RNF157: variants seen among roughly 807,000 people sequenced by gnomAD.
The protein encoded by RNF157 is ring finger protein 157.
In RNF157, 55 loss-of-function variants were observed where a neutral mutation model predicts 88.3. That is an observed-to-expected ratio of 0.62 (90% confidence interval 0.50 to 0.78). The LOEUF (loss-of-function observed/expected upper bound fraction) is 0.78. RNF157 is among the 30% of genes least tolerant of loss of function. RNF157 has a pLI of 0.00. For synonymous variants in RNF157, 334 were observed against 341.2 expected (o/e 0.98, Z 0.23); for missense variants, 788 against 860.8 (o/e 0.92, Z 1.06).
At chr17:76,151,064 G>C (rs901743542) in intron 18 of RNF157, among the ~76,000 whole-genome samples, 2 of 152,160 alleles carry the variant, frequency 1.3e-5, no homozygotes, top group Non-Finnish European at 2.9e-5. Context: ...AGCAGCCCCT[G>C]GGCCCCAGCA....
Position 76,165,499 on chromosome 17 carries a change from C to T in RNF157, c.672+3G>A, listed in dbSNP as rs1568032574. 6.2e-7 allele frequency: 1 copy of T among 1,614,112 alleles called. No homozygotes were observed. Among genetic ancestry groups the T allele is most frequent in the African/African-American group, 1.3e-5 (1 of 75,040 alleles). ...TAAAGCGAGGCCCTCTAAAGTCACT[C>T]ACCTTCTCAAAAGTACCCAGCAGTA... is the stretch of plus-strand genomic sequence containing the variant. On this transcript the variant is annotated splice_donor_region_variant and intron_variant, in intron 7 of 18. Coordinates refer to ENST00000269391, the MANE Select transcript of RNF157 (RefSeq NM_052916.3).
Position 76,146,728 on chromosome 17 carries a change from C to T in RNF157, c.1922-1375G>A. The T allele has an allele frequency of 1.0e-6, 1 of 985,474 alleles. No individual in the cohort carries two copies. Among genetic ancestry groups the T allele is most frequent in the Non-Finnish European group, 1.2e-6 (1 of 829,920 alleles). 61.0% of individuals were successfully genotyped at this position (985,474 alleles called of 1,614,324 possible). On this transcript the variant is annotated intron_variant, in intron 18 of 18. Coordinates refer to ENST00000269391, the MANE Select transcript of RNF157 (RefSeq NM_052916.3). The surrounding 1 kb of genome is among the most constrained non-coding windows in gnomAD (Gnocchi z 4.2). ...GGAGCTCCTCCATGGGACAAAGCTC[C>T]TCCTGGGCAGGGGCCGTGACTTCTT...
At chr17:76,199,570 T>TAAAA (rs34151599) in intron 2 of RNF157, among the ~76,000 whole-genome samples, 6 of 110,980 alleles carry the variant, frequency 5.4e-5, no homozygotes, top group Non-Finnish European at 7.6e-5. Flanking sequence ...AGCTGAAAGT[T>TAAAA]AAAAAAAAAA....
intron 16 of RNF157, chr17:76,154,548 C>T (rs1364068424): frequency 2.9e-5 from 16 of 554,652 alleles, no homozygotes; most frequent in Non-Finnish European, 4.8e-5. Flanking sequence ...AGCCACATTA[C>T]CCATATATGC....
chr17:76,190,646 G>GT, intron 2 of RNF157, among the ~76,000 whole-genome samples: 1 of 150,958 alleles, frequency 6.6e-6, no homozygotes, highest in Non-Finnish European at 1.5e-5. Context: ...ACGGCCGGGC[G>GT]TGATGGCTCA....
intron 17 of RNF157, chr17:76,154,055 G>C: frequency 3.8e-6 from 2 of 532,108 alleles, no homozygotes; most frequent in Non-Finnish European, 6.8e-6. Context: ...TGCAGCACCC[G>C]CACCTGACAT....
At chr17:76,222,302 G>A (rs1221714351) in intron 1 of RNF157, among the ~76,000 whole-genome samples, 2 of 150,954 alleles carry the variant, frequency 1.3e-5, no homozygotes, top group Non-Finnish European at 1.5e-5. Context: ...GCTGAGGATC[G>A]TGTCACTGCA....
chr17:76,207,918 C>T (rs1297044204), intron 2 of RNF157, among the ~76,000 whole-genome samples: 1 of 152,130 alleles, frequency 6.6e-6, no homozygotes, highest in African/African-American at 2.4e-5. Flanking sequence ...CACTGCCACT[C>T]GTCTACTTTT....
rs562185439 is a variant in RNF157 at position 76,203,699 on chromosome 17, G to A, written c.207+8665C>T. Among the ~76,000 whole-genome samples, 7 of 150,160 alleles carry A rather than the reference G, an allele frequency of 4.7e-5. 1 individual carries two copies. The highest frequency in any genetic ancestry group is 4.2e-4 in the South Asian group (2 of 4,724). On this transcript the variant is annotated intron_variant, in intron 2 of 18. Coordinates refer to ENST00000269391, the MANE Select transcript of RNF157 (RefSeq NM_052916.3). Reference sequence around the variant, plus strand: ...ACTCCTGACCTAAGGTGACCTCCCCGCCTCAGCCTCCCAAAGTGCTGGGAT... The same window carrying A: ...ACTCCTGACCTAAGGTGACCTCCCCACCTCAGCCTCCCAAAGTGCTGGGAT...
intron 18 of RNF157, among the ~76,000 whole-genome samples, chr17:76,150,174 C>T (rs2068652948): frequency 1.3e-5 from 2 of 151,982 alleles, no homozygotes; most frequent in Admixed American, 6.6e-5. Context: ...ATATTGAATA[C>T]AGCCCCTCAT....
intron 1 of RNF157, among the ~76,000 whole-genome samples, chr17:76,219,937 T>TA (rs1157210656): frequency 6.6e-6 from 1 of 152,056 alleles, no homozygotes; most frequent in Non-Finnish European, 1.5e-5. Context: ...GAGAGAAAGT[T>TA]AAAAAAAGCC....
chr17:76,203,527 G>A (rs1184919301), intron 2 of RNF157, among the ~76,000 whole-genome samples: 4 of 145,394 alleles, frequency 2.8e-5, no homozygotes, highest in African/African-American at 1.0e-4. Flanking sequence ...ATCTCAGCTC[G>A]CTGCAACCTC....
intron 2 of RNF157, among the ~76,000 whole-genome samples, chr17:76,208,136 T>A (rs923552911): frequency 3.9e-5 from 6 of 152,168 alleles, no homozygotes; most frequent in African/African-American, 1.4e-4. Context: ...TTGCCCAGGC[T>A]GGTTTTCAAT....
chr17:76,185,758 C>T (rs1214222499), intron 2 of RNF157, among the ~76,000 whole-genome samples: 2 of 152,126 alleles, frequency 1.3e-5, no homozygotes, highest in African/African-American at 4.8e-5. Context: ...CGTGAGCCAC[C>T]GCGCCCGGCC....
At position 76,240,190 on chromosome 17, in the gene RNF157, G is replaced by A. The variant is rs1293153699; in HGVS notation, c.51C>T (p.Ile17=). The part of the protein sequence containing the change: ...RQHAGVEEVD[I]PSNSVYRYPP... ...GGTAGCGGTACACGGAATTAGACGG[G>A]ATGTCCACCTCCTCCACGCCCGCGT... The change falls in exon 1 of 19, where the codon ATC becomes ATT. Residue 17 remains isoleucine, a synonymous_variant. Coordinates refer to ENST00000269391, the MANE Select transcript of RNF157 (RefSeq NM_052916.3). This position sits in a 1 kb window ranked among gnomAD's most constrained non-coding sequence, Gnocchi z 4.4. The A allele has an allele frequency of 4.2e-6, 6 of 1,413,130 alleles. No homozygotes were observed. Among genetic ancestry groups the A allele is most frequent in the Non-Finnish European group, 4.7e-6 (5 of 1,069,354 alleles). 87.5% of individuals were successfully genotyped at this position (1,413,130 alleles called of 1,614,324 possible).
intron 2 of RNF157, among the ~76,000 whole-genome samples, chr17:76,198,497 C>T (rs1357237408): frequency 6.6e-6 from 1 of 152,180 alleles, no homozygotes; most frequent in African/African-American, 2.4e-5. Context: ...CACTAGCTGG[C>T]TGCGTCCTTT....
Position 76,155,407 on chromosome 17 carries a change from T to C in RNF157, c.1699-90A>G, listed in dbSNP as rs2068747495. 3 of 1,479,348 alleles carry C rather than the reference T, an allele frequency of 2.0e-6. No individual in the cohort carries two copies. In the South Asian group the frequency reaches 3.4e-5, roughly 17 times the overall value. 91.6% of individuals were successfully genotyped at this position (1,479,348 alleles called of 1,614,324 possible). Reference sequence around the variant, plus strand: ...TCTTCAGAACAAAATTGGTGTCAAATAGGAGGGTCAGACCTAAGGGAATGC... The same window carrying C: ...TCTTCAGAACAAAATTGGTGTCAAACAGGAGGGTCAGACCTAAGGGAATGC... On this transcript the variant is annotated intron_variant, in intron 15 of 18. Transcript: ENST00000269391.
rs1409547712 is a variant in RNF157 at position 76,144,625 on chromosome 17, G to A, written c.*610C>T. 2.0e-5 allele frequency: 3 copies of A among 152,282 alleles called. No individual in the cohort carries two copies. Among genetic ancestry groups the A allele is most frequent in the South Asian group, 2.1e-4 (1 of 4,836 alleles). The allele number at this position is 152,282 out of a possible 1,614,324, so 9.4% of individuals were successfully genotyped here. Reference sequence around the variant, plus strand: ...CCCGGCCAAGAGCTCCTTCTTAACCGCACAGGCATGTGAGGCCCAGAAGAC... The same window carrying A: ...CCCGGCCAAGAGCTCCTTCTTAACCACACAGGCATGTGAGGCCCAGAAGAC... On this transcript the variant is annotated 3_prime_UTR_variant, in exon 19 of 19. Transcript: ENST00000269391.
rs186531421 is a variant in RNF157, at chr17:76,151,475, G to A, written c.1921+880C>T. ...GGACCCGTGATGTGGCTGTTCTGAA[G>A]CTGAAGTGAGTCTTCGTTCAGGGAA... is the stretch of plus-strand genomic sequence containing the variant. On this transcript the variant is annotated intron_variant, in intron 18 of 18. Transcript: ENST00000269391. 3.9e-5 allele frequency among the ~76,000 whole-genome samples: 6 copies of A among 152,336 alleles called. No homozygotes were observed. In the East Asian group the frequency reaches 1.2e-3, roughly 29 times the overall value.
Sources: gnomAD v4.1 joint callset for allele counts (sites outside exome capture counted in the v4.1 genomes callset) on GRCh38, gnomAD v4.1.1 for gene constraint, Gnocchi (gnomAD v3.1) non-coding constraint, MANE v1.5 for transcripts, NCBI Gene and HGNC (gene_info 2026-07-23, HGNC 2026-07-21) for gene names.